Variants in DLL3 observed in about 807,000 individuals in gnomAD.
DLL3 encodes delta like canonical Notch ligand 3.
In DLL3, 49 loss-of-function variants were observed where a neutral mutation model predicts 55.0. The ratio of observed to expected loss-of-function variants is 0.89; its 90% confidence interval spans 0.71 to 1.13. The LOEUF (loss-of-function observed/expected upper bound fraction) is 1.13, where lower values mean the gene tolerates loss of function less well. Among genes scored for constraint, DLL3 ranks in the 50% most tolerant of loss-of-function variants. DLL3 has a pLI of 0.00. For synonymous variants in DLL3, 421 were observed against 385.2 expected (o/e 1.09, Z -1.09); for missense variants, 962 against 875.5 (o/e 1.10, Z -1.25).
chr19:39,508,101 C>T (rs576748683), intron 8 of DLL3, 151 bp from the exon 9 acceptor site: 1 of 1,609,530 alleles, frequency 6.2e-7, no homozygotes, highest in African/African-American at 1.3e-5. Context: ...TCGTTTTGAG[C>T]TACCTGCCAT....
At position 39,502,747 on chromosome 19, in the gene DLL3, G is replaced by A. The variant is rs1023823678; in HGVS notation, c.410-68G>A. The A allele has an allele frequency of 3.9e-6, 5 of 1,291,756 alleles. No individual in the cohort carries two copies. The African/African-American group carries it at 6.2e-5, about 16-fold the overall frequency. The allele number at this position is 1,291,756 out of a possible 1,614,324, so 80.0% of individuals were successfully genotyped here. A position where few individuals can be genotyped will look rare whatever the true frequency, so the allele number is the denominator to read the frequency against. On this transcript the variant is annotated intron_variant, in intron 3 of 8. Transcript: ENST00000356433. ...GGGAGGGGCGGGGAGAATGCGGCCG[G>A]GGCGCTCCGTATGCATCCATGTTCG...
At chr19:39,501,069 A>G (rs1456863406) in intron 3 of DLL3, among the ~76,000 whole-genome samples, 3 of 151,476 alleles carry the variant, frequency 2.0e-5, no homozygotes, top group African/African-American at 7.3e-5. Context: ...GCATGATCTC[A>G]GCTCACTGCA....
At position 39,502,910 on chromosome 19, in the gene DLL3, G is replaced by A. The variant is rs1389179156; in HGVS notation, c.505G>A (p.Glu169Lys). 4 of 1,447,550 alleles carry A rather than the reference G, an allele frequency of 2.8e-6. No homozygotes were observed. The South Asian group carries it at 5.4e-5, about 19-fold the overall frequency. 89.7% of individuals were successfully genotyped at this position (1,447,550 alleles called of 1,614,324 possible). Reference sequence around the variant, plus strand: ...GGACATTCAGCGCGCAGGCGCCTGGGAGCTGCGCTTCTCGTACCGCGCGCG... The same window carrying A: ...GGACATTCAGCGCGCAGGCGCCTGGAAGCTGCGCTTCTCGTACCGCGCGCG... ...ARDIQRAGAWELRFSYRARCE... is the reference protein window; with the variant it reads ...ARDIQRAGAWKLRFSYRARCE... Residue 169 changes from glutamate to lysine, a missense_variant, in exon 4 of 9, where the codon GAG (glutamate) becomes AAG (lysine). Coordinates refer to ENST00000356433, the MANE Select transcript of DLL3 (RefSeq NM_203486.3).
chr19:39,507,014 C>A, intron 6 of DLL3, 25 bp from the exon 7 acceptor site: 1 of 1,531,746 alleles, frequency 6.5e-7, no homozygotes, highest in Non-Finnish European at 8.7e-7. Flanking sequence ...CCGGACTGCG[C>A]CCTCTGATGC....
chr19:39,502,029 C>CA (rs377747353), intron 3 of DLL3, among the ~76,000 whole-genome samples: 72 of 151,160 alleles, frequency 4.8e-4, no homozygotes, highest in African/African-American at 1.0e-3. Context: ...ACTAAAAATA[C>CA]AAAAAAAATT....
chr19:39,505,279 G>T lies in DLL3; in HGVS notation c.921G>T (p.Leu307=). The T allele has an allele frequency of 6.2e-7, 1 of 1,614,212 alleles. No individual in the cohort carries two copies. The highest frequency in any genetic ancestry group is 1.1e-5 in the South Asian group (1 of 91,082). ...CCTGCCCGCGTGGGTTCTACGGGCTGCGGTGTGAGGTGAGCGGGGTGACAT... is the reference window on the plus strand; with the variant it reads ...CCTGCCCGCGTGGGTTCTACGGGCTTCGGTGTGAGGTGAGCGGGGTGACAT... The part of the protein sequence containing the change: ...ECTCPRGFYG[L]RCEVSGVTCA... Residue 307 remains leucine, a synonymous_variant, in exon 6 of 9, where the codon CTG becomes CTT. Transcript: ENST00000356433.
At chr19:39,506,491 G>C (rs1295020956) in intron 6 of DLL3, among the ~76,000 whole-genome samples, 3 of 152,022 alleles carry the variant, frequency 2.0e-5, no homozygotes, top group African/African-American at 4.8e-5. Context: ...TAGGGACTCA[G>C]CACCGACCAG....
chr19:39,507,318 G>C lies in DLL3; in HGVS notation c.1373G>C (p.Gly458Ala), dbSNP rs1232179516. The stretch of plus-strand genomic sequence containing the variant: ...GGCCTCGTCTGCGCTTGCGCTCCCG[G>C]CTACATGGGAGCGCGGTGTGAGTTC... ...FSGLVCACAP[G>A]YMGARCEFPV... Residue 458 changes from glycine (G) to alanine (A), a missense_variant, in exon 7 of 9, where the codon GGC (glycine) becomes GCC (alanine). Transcript: ENST00000356433. 1.9e-6 allele frequency: 3 copies of C among 1,563,558 alleles called. No individual in the cohort carries two copies. The South Asian group carries it at 3.5e-5, about 18-fold the overall frequency.
chr19:39,504,680 C>T (rs920471137), intron 5 of DLL3, among the ~76,000 whole-genome samples: 1 of 151,924 alleles, frequency 6.6e-6, no homozygotes, highest in Non-Finnish European at 1.5e-5. Context: ...TGGAGGTGGC[C>T]CGGGGCTGGG....
rs376283152 is a variant in DLL3, at chr19:39,507,526, C to T, written c.1581C>T (p.Arg527=). 13 of 1,604,316 alleles carry T rather than the reference C, an allele frequency of 8.1e-6. No homozygotes were observed. The highest frequency in any genetic ancestry group is 1.7e-5 in the Admixed American group (1 of 58,778). Residue 527 remains arginine, a synonymous_variant, in exon 7 of 9, where the codon CGC becomes CGT. Transcript: ENST00000356433. ...RRGHSQDAGS[R]LLAGTPEPSV... is the part of the protein sequence containing the mutation. ...GCCACTCCCAGGATGCTGGGTCTCG[C>T]TTGCTGGCTGGGACCCCGGAGCCGT...
chr19:39,506,076 A>G (rs2079638769), intron 6 of DLL3, among the ~76,000 whole-genome samples: 1 of 151,952 alleles, frequency 6.6e-6, no homozygotes, highest in South Asian at 2.1e-4. Flanking sequence ...GCCGGGCGTG[A>G]TGGCAGGTGC....
chr19:39,504,775 C>A (rs2079630845), intron 5 of DLL3, among the ~76,000 whole-genome samples: 1 of 151,992 alleles, frequency 6.6e-6, no homozygotes, highest in African/African-American at 2.4e-5. Flanking sequence ...GTGAGCCTGG[C>A]ATGGAGTGCT....
In DLL3 at chr19:39,499,319, C is replaced by T; in HGVS notation, c.197C>T (p.Pro66Leu). The T allele has an allele frequency of 6.5e-7, 1 of 1,546,510 alleles. No individual in the cohort carries two copies. Among genetic ancestry groups the T allele is most frequent in the South Asian group, 1.2e-5 (1 of 84,868 alleles). Reference protein sequence around the residue: ...CRLFFRVCLKPGLSEEAAESP... With the variant: ...CRLFFRVCLKLGLSEEAAESP... ...CTCTTCTTCAGAGTCTGCCTGAAGC[C>T]TGGGCTCTCAGAGGAGGCCGCCGAG... The change falls in exon 2 of 9, where the codon CCT (proline) becomes CTT (leucine). Residue 66 changes from proline to leucine, a missense_variant. By Grantham distance (98) the Pro-to-Leu change is moderately conservative. Transcript: ENST00000356433.
At chr19:39,506,040 G>T (rs2079638552) in intron 6 of DLL3, among the ~76,000 whole-genome samples, 1 of 151,820 alleles carries the variant, frequency 6.6e-6, no homozygotes, top group African/African-American at 2.4e-5. Flanking sequence ...GTGAAACCCC[G>T]TCTCTACTAA....
chr19:39,508,290 C>A lies in DLL3; in HGVS notation c.*33C>A. 1 of 1,613,482 alleles carries A rather than the reference C, an allele frequency of 6.2e-7. No individual in the cohort carries two copies. Among genetic ancestry groups the A allele is most frequent in the South Asian group, 1.1e-5 (1 of 91,054 alleles). ...CCTCCATCCGCACCTGGAGTCAGAG[C>A]GTGGATTTTTGTATTTGCTCGGTGG... On this transcript the variant is annotated 3_prime_UTR_variant, in exon 9 of 9. Transcript: ENST00000356433.
chr19:39,508,448 A>T lies in DLL3; in HGVS notation c.*191A>T, dbSNP rs73551869. The T allele has an allele frequency of 1.0e-3, 664 of 663,806 alleles. 5 individuals carry two copies. In the African/African-American group the frequency reaches 0.011, roughly 11 times the overall value. 41.1% of individuals were successfully genotyped at this position (663,806 alleles called of 1,614,324 possible). A position where few individuals can be genotyped will look rare whatever the true frequency, so the allele number is the denominator to read the frequency against. ...TCACCCCATCTCTCTAGAAACACCTATAAAGGCTATTATTGTGATCAGTTT... is the reference window on the plus strand; with the variant it reads ...TCACCCCATCTCTCTAGAAACACCTTTAAAGGCTATTATTGTGATCAGTTT... On this transcript the variant is annotated 3_prime_UTR_variant, in exon 9 of 9. Coordinates refer to ENST00000356433, the MANE Select transcript of DLL3 (RefSeq NM_203486.3).
rs1173044232 is a variant in DLL3 at position 39,507,878 on chromosome 19, T to G, written c.1722T>G (p.Ile574Met). The change falls in exon 8 of 9, where the codon ATT (isoleucine) becomes ATG (methionine). Residue 574 changes from isoleucine to methionine, a missense_variant. Ile to Met is a conservative substitution (Grantham distance 10, BLOSUM62 1). Transcript: ENST00000356433. ...NRPEDVDPQG[I>M]YVISAPSIYA... ...CTGAAGATGTAGACCCTCAAGGGAT[T>G]TATGTCATATCTGCTCCTTCCATCT... 6.2e-7 allele frequency: 1 copy of G among 1,614,080 alleles called. No homozygotes were observed. The highest frequency in any genetic ancestry group is 1.1e-5 in the South Asian group (1 of 91,078).
At chr19:39,503,187 T>G in intron 4 of DLL3, 130 bp downstream of exon 4, 2 of 973,366 alleles carry the variant, frequency 2.1e-6, no homozygotes, top group East Asian at 6.7e-5. Flanking sequence ...TCCCCCACCA[T>G]GTACCCCAGG....
chr19:39,500,771 C>T (rs2079605618), intron 3 of DLL3, 99 bp downstream of exon 3: 2 of 1,075,188 alleles, frequency 1.9e-6, no homozygotes, highest in Non-Finnish European at 2.9e-6. Context: ...CATCACAGCT[C>T]CTGGGATGTG....
Sources: gnomAD v4.1 joint callset for allele counts (sites outside exome capture counted in the v4.1 genomes callset) on GRCh38, gnomAD v4.1.1 for gene constraint, MANE v1.5 for transcripts, NCBI Gene and HGNC (gene_info 2026-07-23, HGNC 2026-07-21) for gene names.